The following CRPPA variants were observed in gnomAD, a reference collection of about 807,000 sequenced individuals.
The protein encoded by CRPPA is CDP-L-ribitol pyrophosphorylase A, also known as D-ribitol-5-phosphate cytidylyltransferase.
CRPPA carries 43 observed loss-of-function variants against 52.0 expected under a neutral mutation model. The observed-to-expected ratio is 0.83, with a 90% confidence interval of 0.65 to 1.07. The LOEUF (loss-of-function observed/expected upper bound fraction) is 1.07, where lower values mean the gene tolerates loss of function less well. CRPPA is among the 50% of genes least tolerant of loss of function. The pLI is 0.00. For synonymous variants in CRPPA, 250 were observed against 203.5 expected, an observed-to-expected ratio of 1.23 and a Z score of -1.94; for missense variants, 629 against 551.7, an observed-to-expected ratio of 1.14 and a Z score of -1.40.
chr7:16,104,655 C>A (rs1386316057), intron 9 of CRPPA, among the ~76,000 whole-genome samples: 5 of 152,152 alleles, frequency 3.3e-5, no homozygotes, highest in African/African-American at 1.2e-4. Context: ...AATCCCAGCA[C>A]TCTAGGAGGC....
chr7:16,158,988 C>A, intron 9 of CRPPA, among the ~76,000 whole-genome samples: 1 of 152,176 alleles, frequency 6.6e-6, no homozygotes, highest in East Asian at 1.9e-4. Flanking sequence ...TGTCTATAAA[C>A]CGAACTGATT....
intron 9 of CRPPA, among the ~76,000 whole-genome samples, chr7:16,103,998 G>C (rs1311549975): frequency 6.6e-6 from 1 of 152,116 alleles, no homozygotes; most frequent in Non-Finnish European, 1.5e-5. Flanking sequence ...GCAGAAACAT[G>C]GGGCAAAGAA....
At chr7:16,099,144 G>A (rs1216123068) in intron 9 of CRPPA, among the ~76,000 whole-genome samples, 7 of 151,726 alleles carry the variant, frequency 4.6e-5, no homozygotes, top group South Asian at 2.1e-4. Context: ...TTCCTGCTAC[G>A]AAGGTGGCTG....
At chr7:16,263,811 T>C (rs1295146) in intron 6 of CRPPA, among the ~76,000 whole-genome samples, 118,099 of 151,964 alleles carry the variant, frequency 0.78, 46,756 homozygotes, top group African/African-American at 0.93. Flanking sequence ...TGCCCAGCCA[T>C]ATAGTGTTAT....
chr7:16,298,047 AT>A (rs912717242), intron 5 of CRPPA, among the ~76,000 whole-genome samples: 25 of 151,792 alleles, frequency 1.6e-4, no homozygotes, highest in African/African-American at 3.6e-4. Flanking sequence ...ATATTTTGGA[AT>A]TTTTTTTTAA....
intron 9 of CRPPA, among the ~76,000 whole-genome samples, chr7:16,128,413 G>C (rs1023809597): frequency 1.3e-5 from 2 of 151,996 alleles, no homozygotes; most frequent in Non-Finnish European, 2.9e-5. Flanking sequence ...TCAAAGAAAG[G>C]ATGCCTGTAG....
At chr7:16,195,906 C>T (rs1781720667) in intron 9 of CRPPA, among the ~76,000 whole-genome samples, 1 of 152,064 alleles carries the variant, frequency 6.6e-6, no homozygotes, top group South Asian at 2.1e-4. Context: ...GAGGAAAGGC[C>T]CTGCCAACCC....
At chr7:16,285,339 C>G (rs534708912) in intron 5 of CRPPA, among the ~76,000 whole-genome samples, 266 of 152,110 alleles carry the variant, frequency 1.7e-3, no homozygotes, top group Non-Finnish European at 3.0e-3. Flanking sequence ...TGATACATGA[C>G]CTGTCAACTT....
chr7:16,168,633 C>T (rs1244597931), intron 9 of CRPPA, among the ~76,000 whole-genome samples: 3 of 151,320 alleles, frequency 2.0e-5, no homozygotes, highest in Admixed American at 6.6e-5. Flanking sequence ...GGTAACAATA[C>T]ATTTATGGCC....
chr7:16,318,967 CTT>C (rs2128426914), intron 3 of CRPPA, among the ~76,000 whole-genome samples: 1 of 152,264 alleles, frequency 6.6e-6, no homozygotes, highest in Admixed American at 6.5e-5. Context: ...ACTTTTCCAT[CTT>C]GGCTATCATC....
At chr7:16,363,981 T>C (rs1043404494) in intron 3 of CRPPA, among the ~76,000 whole-genome samples, 2 of 152,118 alleles carry the variant, frequency 1.3e-5, no homozygotes, top group African/African-American at 4.8e-5. Flanking sequence ...AAGAAATTAC[T>C]AATATAAAGT....
intron 9 of CRPPA, among the ~76,000 whole-genome samples, chr7:16,192,696 T>A (rs1362366550): frequency 6.6e-6 from 1 of 152,160 alleles, no homozygotes; most frequent in African/African-American, 2.4e-5. Flanking sequence ...TGTAGATTTG[T>A]TTAACCTCCA....
At chr7:16,149,870 C>T (rs1042882976) in intron 9 of CRPPA, among the ~76,000 whole-genome samples, 11 of 151,838 alleles carry the variant, frequency 7.2e-5, no homozygotes, top group African/African-American at 2.4e-4. Flanking sequence ...CCTGCAGTCC[C>T]AACTACTCGG....
At chr7:16,191,730 C>T (rs1309775815) in intron 9 of CRPPA, among the ~76,000 whole-genome samples, 2 of 152,108 alleles carry the variant, frequency 1.3e-5, no homozygotes, top group Non-Finnish European at 2.9e-5. Flanking sequence ...TTTCCCTCAG[C>T]TCCTTCAAAT....
intron 3 of CRPPA, among the ~76,000 whole-genome samples, chr7:16,322,063 C>A (rs1462796825): frequency 1.3e-5 from 2 of 152,098 alleles, no homozygotes; most frequent in Admixed American, 6.5e-5. Context: ...TTTTAGCCTC[C>A]AAAATGCGAG....
chr7:16,319,206 G>A (rs1424962984), intron 3 of CRPPA, among the ~76,000 whole-genome samples: 3 of 152,104 alleles, frequency 2.0e-5, no homozygotes, highest in African/African-American at 4.8e-5. Context: ...GTGGTTTTCT[G>A]TATGCTTATG....
At chr7:16,140,354 G>A (rs564626794) in intron 9 of CRPPA, among the ~76,000 whole-genome samples, 12 of 151,458 alleles carry the variant, frequency 7.9e-5, no homozygotes, top group African/African-American at 2.4e-4. Flanking sequence ...TAGTAGAGAT[G>A]GGGTTTCACC....
chr7:16,197,439 G>T (rs1781763191), intron 9 of CRPPA, among the ~76,000 whole-genome samples: 1 of 152,020 alleles, frequency 6.6e-6, no homozygotes, highest in African/African-American at 2.4e-5. Context: ...CTGGGCTCAA[G>T]CGATCCTCTG....
chr7:16,183,928 C>T (rs1237758257), intron 9 of CRPPA, among the ~76,000 whole-genome samples: 21 of 151,898 alleles, frequency 1.4e-4, no homozygotes. Context: ...TTATAAATTA[C>T]CCAGTCTTGG....
Sources: allele counts gnomAD v4.1 joint callset (sites outside exome capture counted in the v4.1 genomes callset), GRCh38; gene constraint gnomAD v4.1.1; transcripts MANE v1.5; gene names NCBI Gene and HGNC (gene_info 2026-07-23, HGNC 2026-07-21).